The following MAGI2 variants were observed in gnomAD, a reference collection of about 807,000 sequenced individuals.
MAGI2 encodes membrane-associated guanylate kinase, WW and PDZ domain-containing protein 2.
A neutral mutation model predicts 133.3 loss-of-function variants in MAGI2; 35 were observed. The ratio of observed to expected loss-of-function variants is 0.26; its 90% CI spans 0.20 to 0.35. The LOEUF (loss-of-function observed/expected upper bound fraction) is 0.35. MAGI2 is among the 10% of genes least tolerant of loss of function. MAGI2 has a pLI of 1.00. For missense variants in MAGI2, 1,636 were observed against 1,863.4 expected (o/e 0.88, Z 2.25); for synonymous variants, 729 against 710.6 (o/e 1.03, Z -0.41).
In MAGI2 at chr7:78,747,434, C is replaced by T. The variant is rs561867531; in HGVS notation, c.419-120195G>A. ...TTATTGAATGTCATTGTGCTCCAGA[C>T]ATTTTAGGTATCAGATGAGGTGATA... On this transcript the variant is annotated intron_variant, in intron 2 of 21. Coordinates refer to ENST00000354212, the MANE Select transcript of MAGI2 (RefSeq NM_012301.4). Among the ~76,000 whole-genome samples the T allele has an allele frequency of 2.8e-5, 4 of 144,466 alleles. No homozygotes were observed. In the South Asian group the frequency reaches 8.7e-4, roughly 31 times the overall value. The allele number at this position is 144,466 out of a possible 152,430, so 94.8% of individuals were successfully genotyped here.
chr7:78,126,645 A>G (rs118091000), intron 19 of MAGI2, among the ~76,000 whole-genome samples: 3 of 152,360 alleles, frequency 2.0e-5, no homozygotes, highest in Non-Finnish European at 4.4e-5. Context: ...ACAAATAATC[A>G]TAACAACAGT....
At chr7:78,511,487 A>G (rs1795559460) in intron 4 of MAGI2, among the ~76,000 whole-genome samples, 1 of 150,078 alleles carries the variant, frequency 6.7e-6, no homozygotes, top group South Asian at 2.1e-4. Context: ...TATGGGTACT[A>G]AAATATTTGC....
At chr7:78,839,080 A>G (rs1011614299) in intron 2 of MAGI2, among the ~76,000 whole-genome samples, 1 of 152,034 alleles carries the variant, frequency 6.6e-6, no homozygotes, top group African/African-American at 2.4e-5. Context: ...AAAGGGATTT[A>G]GTGAGGGTGG....
intron 3 of MAGI2, chr7:78,614,903 T>C (rs1374222538): frequency 1.3e-5 from 2 of 152,214 alleles, no homozygotes; most frequent in Non-Finnish European, 2.9e-5. Flanking sequence ...ATATTACCTT[T>C]CTGCACATAA....
intron 1 of MAGI2, among the ~76,000 whole-genome samples, chr7:79,249,520 A>G (rs189470712): frequency 2.6e-4 from 40 of 152,320 alleles, no homozygotes; most frequent in African/African-American, 8.4e-4. Context: ...ACTATGAGCA[A>G]TTATATGCCA....
At chr7:79,407,353 T>C (rs1401139352) in intron 1 of MAGI2, among the ~76,000 whole-genome samples, 1 of 152,130 alleles carries the variant, frequency 6.6e-6, no homozygotes, top group East Asian at 1.9e-4. Flanking sequence ...CCCTGAAAGA[T>C]ATATTATCTC....
intron 12 of MAGI2, among the ~76,000 whole-genome samples, chr7:78,188,747 T>C (rs1336744160): frequency 6.6e-6 from 1 of 152,202 alleles, no homozygotes; most frequent in Non-Finnish European, 1.5e-5. Flanking sequence ...TGGCCTTTCA[T>C]GATCACCTAA....
intron 9 of MAGI2, among the ~76,000 whole-genome samples, chr7:78,320,928 C>T (rs2151120531): frequency 6.6e-6 from 1 of 152,300 alleles, no homozygotes; most frequent in African/African-American, 2.4e-5. Context: ...AGCAAAGTCT[C>T]AGGATACAAA....
intron 1 of MAGI2, among the ~76,000 whole-genome samples, chr7:79,215,121 T>C (rs541782569): frequency 6.6e-6 from 1 of 151,854 alleles, no homozygotes; most frequent in Admixed American, 6.6e-5. Context: ...GGACATCAGA[T>C]ATGCCTCATT....
At chr7:78,174,402 C>T (rs756959928) in intron 14 of MAGI2, among the ~76,000 whole-genome samples, 7 of 152,208 alleles carry the variant, frequency 4.6e-5, no homozygotes, top group Non-Finnish European at 8.8e-5. Context: ...GATGGGTTTA[C>T]CCTTAAATGC....
intron 2 of MAGI2, among the ~76,000 whole-genome samples, chr7:78,868,652 G>A (rs1031565447): frequency 2.0e-5 from 3 of 151,856 alleles, no homozygotes; most frequent in Non-Finnish European, 2.9e-5. Flanking sequence ...ACTTACATTC[G>A]GACAATAAAA....
At chr7:78,057,977 G>GTGTGTGTATATATA (rs762943472) in intron 21 of MAGI2, among the ~76,000 whole-genome samples, 1 of 106,612 alleles carries the variant, frequency 9.4e-6, no homozygotes, top group African/African-American at 3.4e-5. Context: ...ATATATATGT[G>GTGTGTGTATATATA]TATATATATA....
intron 1 of MAGI2, among the ~76,000 whole-genome samples, chr7:79,248,961 T>C (rs1833021379): frequency 6.6e-6 from 1 of 152,078 alleles, no homozygotes; most frequent in Non-Finnish European, 1.5e-5. Flanking sequence ...CTTCCCAGGT[T>C]CAAGCAATTC....
intron 1 of MAGI2, among the ~76,000 whole-genome samples, chr7:79,027,801 A>T (rs542735298): frequency 6.6e-6 from 1 of 152,160 alleles, no homozygotes; most frequent in Non-Finnish European, 1.5e-5. Flanking sequence ...TAGAATTATA[A>T]GTTGTCAATA....
chr7:78,156,962 G>A (rs1824456518), intron 16 of MAGI2, among the ~76,000 whole-genome samples: 1 of 152,172 alleles, frequency 6.6e-6, no homozygotes, highest in Admixed American at 6.5e-5. Context: ...TTAAGTACCT[G>A]ATAGCATAAA....
rs527420566 is a variant in MAGI2, at chr7:78,892,203, C to G, written c.418+114887G>C. Among the ~76,000 whole-genome samples, 74 of 152,276 alleles carry G rather than the reference C, an allele frequency of 4.9e-4. No homozygotes were observed. In the South Asian group the frequency reaches 0.011, roughly 23 times the overall value. ...TGAAGGACCTCTTCAAGGAGAACTACAAACCACTGCTCAACGAAATAAAAG... is the reference window on the plus strand; with the variant it reads ...TGAAGGACCTCTTCAAGGAGAACTAGAAACCACTGCTCAACGAAATAAAAG... On this transcript the variant is annotated intron_variant, in intron 2 of 21. Coordinates refer to ENST00000354212, the MANE Select transcript of MAGI2 (RefSeq NM_012301.4).
intron 3 of MAGI2, among the ~76,000 whole-genome samples, chr7:78,522,231 T>G (rs1351288529): frequency 6.6e-6 from 1 of 152,178 alleles, no homozygotes; most frequent in East Asian, 1.9e-4. Flanking sequence ...AGCTTTTTTT[T>G]GCCCATAGCT....
chr7:78,051,785 A>T (rs972990059), intron 21 of MAGI2, among the ~76,000 whole-genome samples: 4 of 149,584 alleles, frequency 2.7e-5, no homozygotes, highest in Non-Finnish European at 4.4e-5. Context: ...GGATTTCACC[A>T]TGTTGGCCAG....
chr7:78,559,168 GC>G (rs1800149441), intron 3 of MAGI2, among the ~76,000 whole-genome samples: 8 of 22,550 alleles, frequency 3.5e-4, no homozygotes, highest in Admixed American at 1.2e-3. Flanking sequence ...AAAAAAAAAA[GC>G]CAAAAAGAAA....
Sources: gnomAD v4.1 joint callset for allele counts (sites outside exome capture counted in the v4.1 genomes callset) on GRCh38, gnomAD v4.1.1 for gene constraint, MANE v1.5 for transcripts, NCBI Gene and HGNC (gene_info 2026-07-23, HGNC 2026-07-21) for gene names.